CFAP99: variants seen among roughly 807,000 people sequenced by gnomAD.
CFAP99 encodes the protein cilia- and flagella-associated protein 99.
Under a neutral mutation model 82.7 loss-of-function variants are expected in CFAP99, and 84 were observed. That is an observed-to-expected ratio of 1.02 (90% CI 0.85 to 1.22). CFAP99 has a LOEUF of 1.22. Ranked by LOEUF, CFAP99 falls within the 50% of genes most tolerant of loss-of-function variation. The probability of loss-of-function intolerance (pLI) is 0.00; values close to 1 mark genes in which losing one functional copy is unlikely to be tolerated. For synonymous variants in CFAP99, 456 were observed against 429.5 expected (o/e 1.06, Z -0.76); for missense variants, 1,059 against 983.5 (o/e 1.08, Z -1.03).
At chr4:2,449,853 G>A in intron 7 of CFAP99, 81 bp from the exon 8 acceptor site, 2 of 1,529,538 alleles carry the variant, frequency 1.3e-6, no homozygotes, top group Non-Finnish European at 1.8e-6. Flanking sequence ...GGGGGAGGCT[G>A]GGTGGAAGTT....
At chr4:2,429,436 G>A (rs1425809195) in intron 2 of CFAP99, among the ~76,000 whole-genome samples, 2 of 152,142 alleles carry the variant, frequency 1.3e-5, no homozygotes, top group Admixed American at 6.6e-5. Flanking sequence ...GCATTTCCAC[G>A]GGGAGCCTGG....
In CFAP99 at chr4:2,462,674, G is replaced by A; in HGVS notation, c.1893G>A (p.Arg631=). Residue 631 remains arginine, a synonymous_variant, in exon 15 of 15, where the codon CGG becomes CGA. Transcript: ENST00000635017. This position sits in a 1 kb window ranked among gnomAD's most constrained non-coding sequence, Gnocchi z 4.1. ...GGGCCGGGTGGGGATGGCGGGCGCG[G>A]CGCGCAGGGACCGGCGTCCCGGGGC... The A allele has an allele frequency of 7.9e-7, 1 of 1,264,042 alleles. No individual in the cohort carries two copies. The highest frequency in any genetic ancestry group is 9.9e-7 in the Non-Finnish European group (1 of 1,006,400). 78.3% of individuals were successfully genotyped at this position (1,264,042 alleles called of 1,614,324 possible). A position where few individuals can be genotyped will look rare whatever the true frequency, so the allele number is the denominator to read the frequency against.
At chr4:2,430,078 A>C (rs1733769319) in intron 2 of CFAP99, among the ~76,000 whole-genome samples, 2 of 151,454 alleles carry the variant, frequency 1.3e-5, no homozygotes, top group Admixed American at 6.6e-5. Flanking sequence ...CAAACGGCAG[A>C]CTGCGGACAG....
intron 13 of CFAP99, 27 bp downstream of exon 13, chr4:2,459,285 A>G (rs1375867302): frequency 6.6e-6 from 10 of 1,508,398 alleles, no homozygotes; most frequent in East Asian, 2.5e-5. Flanking sequence ...GGACGGGCCC[A>G]TGCCTCAGGG....
chr4:2,454,581 C>CTTTTTTTTT (rs200727697), intron 11 of CFAP99, among the ~76,000 whole-genome samples: 4 of 94,722 alleles, frequency 4.2e-5, no homozygotes, highest in Admixed American at 1.1e-4. Flanking sequence ...TGTTTTTTTT[C>CTTTTTTTTT]TTTTTTTTTT....
At chr4:2,432,757 TGACCAAGGCCCAA>T (rs1380912930) in intron 2 of CFAP99, among the ~76,000 whole-genome samples, 8 of 152,340 alleles carry the variant, frequency 5.3e-5, no homozygotes, top group African/African-American at 1.7e-4. Flanking sequence ...GCCCTGAGCT[TGACCAAGGCCCAA>T]GATTTTATCA....
intron 4 of CFAP99, among the ~76,000 whole-genome samples, chr4:2,442,626 A>T (rs1734069991): frequency 6.6e-6 from 1 of 152,102 alleles, no homozygotes; most frequent in Non-Finnish European, 1.5e-5. Context: ...TGGGGCCGTC[A>T]CCATGGAGCC....
chr4:2,432,498 C>A (rs370634077), intron 2 of CFAP99, among the ~76,000 whole-genome samples: 12 of 152,316 alleles, frequency 7.9e-5, no homozygotes, highest in African/African-American at 2.9e-4. Context: ...TCAGGCTTTG[C>A]ATTACTGATG....
At chr4:2,421,725 G>C in intron 1 of CFAP99, among the ~76,000 whole-genome samples, 1 of 152,018 alleles carries the variant, frequency 6.6e-6, no homozygotes, top group East Asian at 1.9e-4. Flanking sequence ...ATCAATATGA[G>C]AAAAAAATCT....
At chr4:2,445,960 A>T in intron 6 of CFAP99, among the ~76,000 whole-genome samples, 2 of 152,246 alleles carry the variant, frequency 1.3e-5, no homozygotes, top group South Asian at 4.2e-4. Context: ...CCTGCCTTGA[A>T]TTGATCACTG....
intron 4 of CFAP99, 104 bp from the exon 5 acceptor site, chr4:2,443,026 T>A: frequency 2.1e-6 from 1 of 470,704 alleles, no homozygotes; most frequent in East Asian, 3.3e-5. Context: ...CTGGGGGTGC[T>A]GGGGGCCTTG....
In CFAP99 at chr4:2,445,259, G is replaced by A. The variant is rs1057239615; in HGVS notation, c.593G>A (p.Arg198His). Reference sequence around the variant, plus strand: ...TTCAACCTGACTGCCCCCAGGCCCCGCACCATTCCAGCGCCCGAACCAGTC... The same window carrying A: ...TTCAACCTGACTGCCCCCAGGCCCCACACCATTCCAGCGCCCGAACCAGTC... The change falls in exon 6 of 15, where the codon CGC (arginine) becomes CAC (histidine). Residue 198 changes from arginine (R) to histidine (H), a missense_variant. Arg to His is a conservative substitution (Grantham distance 29). Transcript: ENST00000635017. 9 of 1,413,946 alleles carry A rather than the reference G, an allele frequency of 6.4e-6. No homozygotes were observed. Among genetic ancestry groups the A allele is most frequent in the South Asian group, 4.7e-5 (3 of 64,032 alleles). The allele number at this position is 1,413,946 out of a possible 1,614,324, so 87.6% of individuals were successfully genotyped here.
In CFAP99 at chr4:2,462,898, G is replaced by A. The variant is rs754618751; in HGVS notation, c.2117G>A (p.Gly706Glu). Residue 706 changes from glycine to glutamate, a missense_variant, in exon 15 of 15, where the codon GGG becomes GAG. Gly to Glu is a moderately conservative substitution (Grantham distance 98). Coordinates refer to ENST00000635017, the Ensembl canonical transcript of CFAP99. The surrounding 1 kb of genome is among the most constrained non-coding windows in gnomAD (Gnocchi z 4.1). ...CTGCAGCAGGGAGGCTCAGGACCCGGGCCCGCGCGCCGCCTGGAGGCCGCC... is the reference window on the plus strand; with the variant it reads ...CTGCAGCAGGGAGGCTCAGGACCCGAGCCCGCGCGCCGCCTGGAGGCCGCC... 260 of 1,324,252 alleles carry A rather than the reference G, an allele frequency of 2.0e-4. No homozygotes were observed. Among genetic ancestry groups the A allele is most frequent in the Non-Finnish European group, 2.4e-4 (252 of 1,043,110 alleles). The allele number at this position is 1,324,252 out of a possible 1,614,324, so 82.0% of individuals were successfully genotyped here.
In CFAP99 at chr4:2,462,471, GC is replaced by G. The variant is rs1220135138; in HGVS notation, c.1694del (p.Pro565ArgfsTer45). 2.7e-6 allele frequency: 4 copies of G among 1,468,936 alleles called. No individual in the cohort carries two copies. The highest frequency in any genetic ancestry group is 2.5e-5 in the Admixed American group (1 of 39,546). 91.0% of individuals were successfully genotyped at this position (1,468,936 alleles called of 1,614,324 possible). A position where few individuals can be genotyped will look rare whatever the true frequency, so the allele number is the denominator to read the frequency against. On this transcript the variant is annotated frameshift_variant, in exon 15 of 15. Transcript: ENST00000635017. LOFTEE classifies it low-confidence loss of function (END_TRUNC). This position sits in a 1 kb window ranked among gnomAD's most constrained non-coding sequence, Gnocchi z 4.1. The stretch of plus-strand genomic sequence containing the variant: ...GGAGGAAAAGAAGGCCCTTGCGGCG[GC>G]CCCGGCGGCGCCCTCGCAGGACGAG...
intron 11 of CFAP99, 136 bp from the exon 12 acceptor site, chr4:2,458,587 A>G: frequency 8.8e-7 from 1 of 1,139,390 alleles, no homozygotes; most frequent in Non-Finnish European, 1.2e-6. Flanking sequence ...ATGGGCTTAG[A>G]CCTGGGTTCT....
intron 2 of CFAP99, among the ~76,000 whole-genome samples, chr4:2,435,264 T>C (rs1433945330): frequency 1.5e-5 from 2 of 136,122 alleles, no homozygotes; most frequent in East Asian, 4.3e-4. Flanking sequence ...ACCACTGCAC[T>C]CCAGCCTGGG....
intron 3 of CFAP99, among the ~76,000 whole-genome samples, chr4:2,437,703 G>T (rs879365069): frequency 2.6e-5 from 4 of 152,226 alleles, no homozygotes; most frequent in Non-Finnish European, 5.9e-5. Flanking sequence ...GCCCGTTACA[G>T]TTCCTGCCTT....
intron 1 of CFAP99, among the ~76,000 whole-genome samples, chr4:2,425,073 C>A (rs767346758): frequency 6.6e-6 from 1 of 152,172 alleles, no homozygotes; most frequent in Non-Finnish European, 1.5e-5. Context: ...TACCTTCCGT[C>A]TCCTGTTTAT....
At chr4:2,432,970 C>T (rs1217537080) in intron 2 of CFAP99, among the ~76,000 whole-genome samples, 2 of 151,376 alleles carry the variant, frequency 1.3e-5, no homozygotes, top group African/African-American at 4.9e-5. Context: ...ATGTGTCACC[C>T]CTTGCCCCCA....
Sources: gnomAD v4.1 joint callset for allele counts (sites outside exome capture counted in the v4.1 genomes callset) on GRCh38, gnomAD v4.1.1 for gene constraint, Gnocchi (gnomAD v3.1) non-coding constraint, MANE v1.5 for transcripts, NCBI Gene and HGNC (gene_info 2026-07-23, HGNC 2026-07-21) for gene names.